Variants in THOP1 observed in about 807,000 individuals in gnomAD.
THOP1 encodes thimet oligopeptidase.
A neutral mutation model predicts 71.8 loss-of-function variants in THOP1; 49 were observed. The ratio of observed to expected loss-of-function variants is 0.68; its 90% CI spans 0.54 to 0.87. THOP1 has a LOEUF of 0.87. Ranked by LOEUF, THOP1 falls within the 40% of genes least tolerant of loss-of-function variation. THOP1 has a pLI of 0.00. For synonymous variants in THOP1, 426 were observed against 421.5 expected (o/e 1.01, Z -0.13); for missense variants, 843 against 975.6 (o/e 0.86, Z 1.81).
At chr19:2,811,179 G>A (rs1450629863) in intron 11 of THOP1, among the ~76,000 whole-genome samples, 2 of 152,230 alleles carry the variant, frequency 1.3e-5, no homozygotes, top group Non-Finnish European at 2.9e-5. Context: ...ACACGCTTGC[G>A]AGGATCCAGA....
rs1238648247 is a variant in THOP1, at chr19:2,807,044, C to T, written c.878C>T (p.Thr293Ile). The change falls in exon 7 of 13, where the codon ACC becomes ATC. Residue 293 changes from threonine (T) to isoleucine (I), a missense_variant. Physicochemically the swap from Thr to Ile is moderately conservative, Grantham distance 89. Coordinates refer to ENST00000307741, the MANE Select transcript of THOP1 (RefSeq NM_003249.5). ...NMAKTSQTVA[T>I]FLDELAQKLK... ...GCCAAGACCAGCCAGACCGTGGCCACCTTCCTAGGTAGCCCTTCCTTCCTC... is the reference window on the plus strand; with the variant it reads ...GCCAAGACCAGCCAGACCGTGGCCATCTTCCTAGGTAGCCCTTCCTTCCTC... 3.1e-6 allele frequency: 5 copies of T among 1,610,118 alleles called. No homozygotes were observed. Among genetic ancestry groups the T allele is most frequent in the South Asian group, 2.2e-5 (2 of 90,958 alleles).
In THOP1 at chr19:2,790,418, T is replaced by C. The variant is rs2144757659; in HGVS notation, c.17-3T>C. 6.5e-7 allele frequency: 1 copy of C among 1,532,940 alleles called. No homozygotes were observed. Among genetic ancestry groups the C allele is most frequent in the Middle Eastern group, 1.8e-4 (1 of 5,686 alleles). The allele number at this position is 1,532,940 out of a possible 1,614,324, so 95.0% of individuals were successfully genotyped here. A position where few individuals can be genotyped will look rare whatever the true frequency, so the allele number is the denominator to read the frequency against. ...CCCGGCACTGGGTTTTGTTTCTGCG[T>C]AGCCTGTGCAGGAGACATGGCGGAC... On this transcript the variant is annotated splice_region_variant and splice_polypyrimidine_tract_variant and intron_variant, in intron 1 of 12. Coordinates refer to ENST00000307741, the MANE Select transcript of THOP1 (RefSeq NM_003249.5).
intron 9 of THOP1, 150 bp downstream of exon 9, chr19:2,808,594 C>A: frequency 1.1e-6 from 1 of 899,798 alleles, no homozygotes; most frequent in Non-Finnish European, 1.6e-6. Context: ...GATGGTGACT[C>A]CCTGTCATGC....
intron 4 of THOP1, 43 bp downstream of exon 4, chr19:2,796,231 G>A (rs745672196): frequency 2.1e-5 from 31 of 1,489,324 alleles, no homozygotes; most frequent in South Asian, 9.3e-5. Flanking sequence ...GGCAATGGTC[G>A]ATCCCGGGGA....
At chr19:2,798,394 C>A (rs1448975265) in intron 4 of THOP1, among the ~76,000 whole-genome samples, 1 of 152,172 alleles carries the variant, frequency 6.6e-6, no homozygotes, top group African/African-American at 2.4e-5. Context: ...ATGGTAGAAG[C>A]CACAAACTCT....
chr19:2,807,931 C>T (rs181460003), intron 8 of THOP1, 123 bp downstream of exon 8: 17,359 of 1,178,724 alleles, frequency 0.015, 174 homozygotes, highest in Non-Finnish European at 0.018. Context: ...GGATGAACCC[C>T]GAGACGTAGC....
rs1916536066 is a variant in THOP1 at position 2,813,363 on chromosome 19, C to T, written c.*87C>T. The T allele has an allele frequency of 7.0e-7, 1 of 1,420,130 alleles. No individual in the cohort carries two copies. 88.0% of individuals were successfully genotyped at this position (1,420,130 alleles called of 1,614,324 possible). On this transcript the variant is annotated 3_prime_UTR_variant, in exon 13 of 13. Transcript: ENST00000307741. ...CGGCACAGGATGGGGCAGGCTCTGG[C>T]ACAGTGCCTGGGACTGGCAGGGTGG...
intron 4 of THOP1, among the ~76,000 whole-genome samples, chr19:2,798,376 C>A (rs1388353388): frequency 6.6e-6 from 1 of 152,120 alleles, no homozygotes; most frequent in African/African-American, 2.4e-5. Flanking sequence ...GCATGTGTGG[C>A]CATGTGCATG....
chr19:2,786,009 A>G (rs1320974345), intron 1 of THOP1, among the ~76,000 whole-genome samples: 1 of 152,214 alleles, frequency 6.6e-6, no homozygotes, highest in Non-Finnish European at 1.5e-5. Context: ...CAAAAATTAA[A>G]TAAGAGAGGA....
intron 1 of THOP1, among the ~76,000 whole-genome samples, chr19:2,786,072 G>A (rs926027589): frequency 3.3e-5 from 5 of 151,022 alleles, no homozygotes; most frequent in Non-Finnish European, 5.9e-5. Flanking sequence ...GAACGGGGCA[G>A]TCCCAGGGAC....
intron 7 of THOP1, 140 bp downstream of exon 7, chr19:2,807,192 C>T: frequency 1.5e-6 from 2 of 1,303,520 alleles, no homozygotes; most frequent in Admixed American, 2.9e-5. Flanking sequence ...CTGGCTCCCT[C>T]ACTCCCCCCG....
intron 3 of THOP1, among the ~76,000 whole-genome samples, chr19:2,795,574 G>A (rs771513874): frequency 3.9e-5 from 6 of 152,178 alleles, no homozygotes; most frequent in Non-Finnish European, 7.4e-5. Context: ...GATAGCCGTG[G>A]ATTGTTATTT....
chr19:2,796,090 C>G lies in THOP1; in HGVS notation c.388C>G (p.Gln130Glu), dbSNP rs1555715980. 6.2e-7 allele frequency: 1 copy of G among 1,613,604 alleles called. No homozygotes were observed. Among genetic ancestry groups the G allele is most frequent in the South Asian group, 1.1e-5 (1 of 91,044 alleles). ...QRIVWLQEKVQKDSLRPEAAR... is the reference protein window; with the variant it reads ...QRIVWLQEKVEKDSLRPEAAR... Reference sequence around the variant, plus strand: ...GATGTTTTTATTCCAGGAGAAAGTTCAGAAGGACTCACTGAGGCCCGAGGC... The same window carrying G: ...GATGTTTTTATTCCAGGAGAAAGTTGAGAAGGACTCACTGAGGCCCGAGGC... Residue 130 changes from glutamine (Q) to glutamate (E), a missense_variant, in exon 4 of 13, where the codon CAG (glutamine) becomes GAG (glutamate). Gln to Glu is a conservative substitution (Grantham distance 29). Coordinates refer to ENST00000307741, the MANE Select transcript of THOP1 (RefSeq NM_003249.5).
rs75870105 is a variant in THOP1, at chr19:2,792,504, C to T, written c.229+1871C>T. On this transcript the variant is annotated intron_variant, in intron 2 of 12. Transcript: ENST00000307741. ...ACACACGGAGCCTCCTCCAGACGTG[C>T]GGAGCCTCCTCCAAACATACCGAGG... is the stretch of plus-strand genomic sequence containing the variant. 9.9e-4 allele frequency among the ~76,000 whole-genome samples: 141 copies of T among 142,730 alleles called. 4 individuals carry two copies. The highest frequency in any genetic ancestry group is 2.3e-4 in the Non-Finnish European group (15 of 66,114). The allele number at this position is 142,730 out of a possible 152,430, so 93.6% of individuals were successfully genotyped here. A position where few individuals can be genotyped will look rare whatever the true frequency, so the allele number is the denominator to read the frequency against.
intron 8 of THOP1, 79 bp downstream of exon 8, chr19:2,807,887 G>T: frequency 7.2e-7 from 1 of 1,394,728 alleles, no homozygotes; most frequent in South Asian, 1.5e-5. Context: ...TCTGAGATGG[G>T]AAGGAAGTCG....
Position 2,808,363 on chromosome 19 carries a change from C to T in THOP1, c.1374C>T (p.Asp458=), listed in dbSNP as rs139120938. 2.5e-4 allele frequency: 407 copies of T among 1,610,530 alleles called. 2 individuals carry two copies. In the African/African-American group the frequency reaches 4.3e-3, roughly 17 times the overall value. The part of the protein sequence containing the change: ...MVANFTKPTA[D]APSLLQHDEV... ...CCAACTTCACCAAGCCCACAGCCGACGCGCCCTCGCTGCTGCAGCATGACG... is the reference window on the plus strand; with the variant it reads ...CCAACTTCACCAAGCCCACAGCCGATGCGCCCTCGCTGCTGCAGCATGACG... Residue 458 remains aspartate, a synonymous_variant, in exon 9 of 13, where the codon GAC becomes GAT. Coordinates refer to ENST00000307741, the MANE Select transcript of THOP1 (RefSeq NM_003249.5).
At position 2,813,391 on chromosome 19, in the gene THOP1, G is replaced by A; in HGVS notation, c.*115G>A. 7.7e-7 allele frequency: 1 copy of A among 1,300,500 alleles called. No homozygotes were observed. Among genetic ancestry groups the A allele is most frequent in the Non-Finnish European group, 1.0e-6 (1 of 975,070 alleles). 80.6% of individuals were successfully genotyped at this position (1,300,500 alleles called of 1,614,324 possible). ...AGTGCCTGGGACTGGCAGGGTGGCTGAGCGGCTGTCTTGCCTCTTGTCATT... is the reference window on the plus strand; with the variant it reads ...AGTGCCTGGGACTGGCAGGGTGGCTAAGCGGCTGTCTTGCCTCTTGTCATT... On this transcript the variant is annotated 3_prime_UTR_variant, in exon 13 of 13. Transcript: ENST00000307741.
At chr19:2,809,855 C>G (rs1916410300) in intron 9 of THOP1, 1 of 172,190 alleles carries the variant, frequency 5.8e-6, no homozygotes, top group South Asian at 1.6e-4. Context: ...CCCAGGAGTT[C>G]CCTCGCCGTT....
chr19:2,813,390 T>C lies in THOP1; in HGVS notation c.*114T>C. On this transcript the variant is annotated 3_prime_UTR_variant, in exon 13 of 13. Transcript: ENST00000307741. ...CAGTGCCTGGGACTGGCAGGGTGGCTGAGCGGCTGTCTTGCCTCTTGTCAT... is the reference window on the plus strand; with the variant it reads ...CAGTGCCTGGGACTGGCAGGGTGGCCGAGCGGCTGTCTTGCCTCTTGTCAT... 7.7e-7 allele frequency: 1 copy of C among 1,293,310 alleles called. No homozygotes were observed. The highest frequency in any genetic ancestry group is 1.0e-6 in the Non-Finnish European group (1 of 969,186). The allele number at this position is 1,293,310 out of a possible 1,614,324, so 80.1% of individuals were successfully genotyped here. A position where few individuals can be genotyped will look rare whatever the true frequency, so the allele number is the denominator to read the frequency against.
Sources: gnomAD v4.1 joint callset for allele counts (sites outside exome capture counted in the v4.1 genomes callset) on GRCh38, gnomAD v4.1.1 for gene constraint, MANE v1.5 for transcripts, NCBI Gene and HGNC (gene_info 2026-07-23, HGNC 2026-07-21) for gene names.